Variants in ZBTB38 observed in about 807,000 individuals in gnomAD.
ZBTB38 encodes the protein zinc finger and BTB domain-containing protein 38.
In ZBTB38, 20 loss-of-function variants were observed where a neutral mutation model predicts 76.8. That is an observed-to-expected ratio of 0.26 (90% CI 0.18 to 0.38). The LOEUF (loss-of-function observed/expected upper bound fraction) is 0.38. ZBTB38 is among the 10% of genes least tolerant of loss of function. ZBTB38 has a pLI of 1.00. For synonymous variants in ZBTB38, 504 were observed against 544.2 expected, an observed-to-expected ratio of 0.93 and a Z score of 1.03; for missense variants, 1,082 against 1,482.3, an observed-to-expected ratio of 0.73 and a Z score of 4.43.
intron 4 of ZBTB38, among the ~76,000 whole-genome samples, chr3:141,400,825 C>T (rs904275064): frequency 6.6e-6 from 1 of 152,230 alleles, no homozygotes; most frequent in Non-Finnish European, 1.5e-5. Context: ...GAAGAAGGCA[C>T]GGGAGTTGAG....
intron 1 of ZBTB38, among the ~76,000 whole-genome samples, chr3:141,332,154 T>C (rs555054726): frequency 1.3e-4 from 20 of 152,326 alleles, no homozygotes; most frequent in Admixed American, 2.6e-4. Context: ...TTTCCTAAGT[T>C]GAATCATTCA....
intron 5 of ZBTB38, among the ~76,000 whole-genome samples, chr3:141,408,246 A>G (rs1955314776): frequency 6.6e-6 from 1 of 152,182 alleles, no homozygotes; most frequent in Non-Finnish European, 1.5e-5. Flanking sequence ...ACTCCATTTT[A>G]TAGATGAAAA....
chr3:141,336,187 A>T (rs559324235), intron 1 of ZBTB38, among the ~76,000 whole-genome samples: 21 of 152,266 alleles, frequency 1.4e-4, no homozygotes, highest in African/African-American at 3.9e-4. Context: ...CTGCTGGTCG[A>T]TGGGACGTTT....
chr3:141,340,186 A>C (rs552326804), intron 1 of ZBTB38, among the ~76,000 whole-genome samples: 9 of 152,220 alleles, frequency 5.9e-5, no homozygotes, highest in Non-Finnish European at 1.2e-4. Context: ...TGGAGAAGTT[A>C]AGTAATTTGT....
Position 141,443,229 on chromosome 3 carries a change from A to T in ZBTB38, c.841A>T (p.Asn281Tyr). ...IPQDSDSATE[N>Y]IPPPPVSNLE... is the part of the protein sequence containing the mutation. ...ACAGGATTCGGATTCAGCCACAGAA[A>T]ATATACCACCCCCTCCAGTATCCAA... The change falls in exon 6 of 6, where the codon AAT becomes TAT. Residue 281 changes from asparagine to tyrosine, a missense_variant. This residue lies in a region of ZBTB38 where 324 missense variants were observed against 359.1 expected (regional missense o/e 0.90). Transcript: ENST00000321464. The surrounding 1 kb of genome is among the most constrained non-coding windows in gnomAD (Gnocchi z 5.6). 2 of 1,614,224 alleles carry T rather than the reference A, an allele frequency of 1.2e-6. No homozygotes were observed. Among genetic ancestry groups the T allele is most frequent in the Non-Finnish European group, 8.5e-7 (1 of 1,180,032 alleles).
At position 141,448,181 on chromosome 3, in the gene ZBTB38, C is replaced by G. The variant is rs1406138922; in HGVS notation, c.*2205C>G. ...TATAAAATTACCTGTAGTGATGTCT[C>G]TCTCCCAGCCCTTATATGTGGATAT... On this transcript the variant is annotated 3_prime_UTR_variant, in exon 6 of 6. Transcript: ENST00000321464. 1 of 152,582 alleles carries G rather than the reference C, an allele frequency of 6.6e-6. No homozygotes were observed. The highest frequency in any genetic ancestry group is 1.9e-4 in the East Asian group (1 of 5,200). 9.5% of individuals were successfully genotyped at this position (152,582 alleles called of 1,614,324 possible).
chr3:141,331,234 G>A (rs1175037719), intron 1 of ZBTB38, among the ~76,000 whole-genome samples: 2 of 152,186 alleles, frequency 1.3e-5, no homozygotes, highest in African/African-American at 2.4e-5. Flanking sequence ...ACAGGTGAAC[G>A]TGTACCTTAT....
Position 141,444,059 on chromosome 3 carries a change from G to T in ZBTB38, c.1671G>T (p.Lys557Asn). 1 of 1,614,150 alleles carries T rather than the reference G, an allele frequency of 6.2e-7. No homozygotes were observed. Among genetic ancestry groups the T allele is most frequent in the East Asian group, 2.2e-5 (1 of 44,890 alleles). The change falls in exon 6 of 6, where the codon AAG (lysine) becomes AAT (asparagine). Residue 557 changes from lysine (K) to asparagine (N), a missense_variant. Transcript: ENST00000321464. The surrounding 1 kb of genome is among the most constrained non-coding windows in gnomAD (Gnocchi z 5.1). Reference protein sequence around the residue: ...ISKKTANGGLKPSVYPYKLYR... With the variant: ...ISKKTANGGLNPSVYPYKLYR... Reference sequence around the variant, plus strand: ...AAAAAACAGCAAATGGAGGCTTGAAGCCTAGTGTCTATCCGTATAAACTTT... The same window carrying T: ...AAAAAACAGCAAATGGAGGCTTGAATCCTAGTGTCTATCCGTATAAACTTT...
At position 141,386,951 on chromosome 3, in the gene ZBTB38, T is replaced by C. The variant is rs540050667; in HGVS notation, c.-106+14T>C. ...ACTGCATTTAAGGTGAGCTGTCCCTTGCCTCCTCCTTCCCCAGTGCTCGTG... is the reference window on the plus strand; with the variant it reads ...ACTGCATTTAAGGTGAGCTGTCCCTCGCCTCCTCCTTCCCCAGTGCTCGTG... On this transcript the variant is annotated intron_variant, in intron 4 of 5. Transcript: ENST00000321464. The C allele has an allele frequency of 6.5e-6, 1 of 152,874 alleles. No homozygotes were observed. The highest frequency in any genetic ancestry group is 1.9e-4 in the East Asian group (1 of 5,198). 9.5% of individuals were successfully genotyped at this position (152,874 alleles called of 1,614,324 possible).
intron 4 of ZBTB38, chr3:141,402,823 G>C (rs1354739174): frequency 6.6e-6 from 1 of 152,300 alleles, no homozygotes; most frequent in Non-Finnish European, 1.5e-5. Flanking sequence ...GTGGGCTCGA[G>C]TCCAGCGGGC....
intron 4 of ZBTB38, chr3:141,402,338 C>T (rs1462870926): frequency 6.6e-6 from 1 of 151,712 alleles, no homozygotes; most frequent in African/African-American, 2.4e-5. Flanking sequence ...AGAGCCGAGC[C>T]GCCGGCGTCC....
At chr3:141,336,718 G>T (rs1943025069) in intron 1 of ZBTB38, among the ~76,000 whole-genome samples, 4 of 152,284 alleles carry the variant, frequency 2.6e-5, no homozygotes, top group Non-Finnish European at 2.9e-5. Flanking sequence ...TAGGGCCACG[G>T]TCGGCCTCTG....
intron 4 of ZBTB38, chr3:141,403,185 CTAAT>C (rs1214897438): frequency 1.3e-5 from 2 of 152,166 alleles, no homozygotes; most frequent in African/African-American, 4.8e-5. Flanking sequence ...GACGTTGGCC[CTAAT>C]TGAGTATCCC....
At chr3:141,331,367 A>G (rs1013733862) in intron 1 of ZBTB38, among the ~76,000 whole-genome samples, 3 of 152,212 alleles carry the variant, frequency 2.0e-5, no homozygotes, top group African/African-American at 7.2e-5. Context: ...TATGTAGGAG[A>G]GAGAGACAGA....
intron 5 of ZBTB38, among the ~76,000 whole-genome samples, chr3:141,419,260 A>G (rs2074800867): frequency 6.6e-6 from 1 of 152,164 alleles, no homozygotes. Flanking sequence ...CAAGGAGGAA[A>G]TCCGCCCCCA....
chr3:141,340,946 G>GAAAAGAAAAGAAAAGAAAAGAA (rs1185608672), intron 1 of ZBTB38, among the ~76,000 whole-genome samples: 33 of 42,930 alleles, frequency 7.7e-4, no homozygotes, highest in Middle Eastern at 7.8e-3. Flanking sequence ...AGAAAAGAAA[G>GAAAAGAAAAGAAAAGAAAAGAA]AAGGAAAGAA....
chr3:141,382,745 G>A (rs1946377429), intron 3 of ZBTB38, among the ~76,000 whole-genome samples: 1 of 152,102 alleles, frequency 6.6e-6, no homozygotes, highest in Non-Finnish European at 1.5e-5. Flanking sequence ...GTCTCCAGCT[G>A]GTGGCATCCT....
In ZBTB38 at chr3:141,371,045, C is replaced by CTTTTTTTTTTTTTTTTTTTTTTTTTTT. The variant is rs754872291; in HGVS notation, c.-235+1125_-235+1126insTTTTTTTTTTTTTTTTTTTTTTTTTTT. 8.1e-4 allele frequency among the ~76,000 whole-genome samples: 58 copies of CTTTTTTTTTTTTTTTTTTTTTTTTTTT among 72,010 alleles called. 5 individuals carry two copies. The highest frequency in any genetic ancestry group is 1.2e-3 in the African/African-American group (15 of 12,860). The allele number at this position is 72,010 out of a possible 152,430, so 47.2% of individuals were successfully genotyped here. ...GTTTTTTCTTTTCTTTTCTTTCTTT[C>CTTTTTTTTTTTTTTTTTTTTTTTTTTT]TTTTTTTTTTTTTTTTTTTTTTTTT... On this transcript the variant is annotated intron_variant, in intron 2 of 5. Coordinates refer to ENST00000321464, the MANE Select transcript of ZBTB38 (RefSeq NM_001376113.1).
rs1381496485 is a variant in ZBTB38 at position 141,443,175 on chromosome 3, T to C, written c.787T>C (p.Cys263Arg). 1 of 1,614,174 alleles carries C rather than the reference T, an allele frequency of 6.2e-7. No individual in the cohort carries two copies. The highest frequency in any genetic ancestry group is 8.5e-7 in the Non-Finnish European group (1 of 1,180,040). The change falls in exon 6 of 6, where the codon TGC becomes CGC. Residue 263 changes from cysteine (C) to arginine (R), a missense_variant. Physicochemically the swap from Cys to Arg is radical, Grantham distance 180 (BLOSUM62 -3). Transcript: ENST00000321464. The surrounding 1 kb of genome is among the most constrained non-coding windows in gnomAD (Gnocchi z 5.6). The stretch of plus-strand genomic sequence containing the variant: ...AGCCCTTGCAGCGAAACCGAAAACA[T>C]GCCGGAAGCCAAAGACATTCTCCAT... Reference protein sequence around the residue: ...CEALAAKPKTCRKPKTFSIPQ... With the variant: ...CEALAAKPKTRRKPKTFSIPQ...
Sources: allele counts gnomAD v4.1 joint callset (sites outside exome capture counted in the v4.1 genomes callset), GRCh38; gene constraint gnomAD v4.1.1; regional missense constraint gnomAD v4.1.1; non-coding constraint Gnocchi (gnomAD v3.1); transcripts MANE v1.5; gene names NCBI Gene and HGNC (gene_info 2026-07-23, HGNC 2026-07-21).